The following STK32B variants were observed in gnomAD, a reference collection of about 807,000 sequenced individuals.
The protein encoded by STK32B is serine/threonine-protein kinase 32B.
A neutral mutation model predicts 52.6 loss-of-function variants in STK32B; 43 were observed. The observed-to-expected ratio is 0.82, with a 90% CI of 0.64 to 1.05. The LOEUF is 1.05. Among genes scored for constraint, STK32B ranks in the 50% least tolerant of loss-of-function variants. The pLI is 0.00. For missense variants in STK32B, 621 were observed against 534.6 expected, an observed-to-expected ratio of 1.16 and a Z score of -1.59; for synonymous variants, 238 against 204.3, an observed-to-expected ratio of 1.17 and a Z score of -1.41.
At chr4:5,390,964 C>CTTTTTTT (rs71638602) in intron 4 of STK32B, among the ~76,000 whole-genome samples, 15 of 124,020 alleles carry the variant, frequency 1.2e-4, no homozygotes, top group African/African-American at 4.2e-4. Flanking sequence ...TCTTTTCTAT[C>CTTTTTTT]TTTTTTTTTT....
chr4:5,293,164 A>G (rs10004847), intron 3 of STK32B, among the ~76,000 whole-genome samples: 11,522 of 152,058 alleles, frequency 0.076, 483 homozygotes, highest in South Asian at 0.099. Flanking sequence ...GTGTATAAGT[A>G]CCACATTTTC....
chr4:5,043,245 T>C, the STK32B span, among the ~76,000 whole-genome samples: 2 of 152,096 alleles, frequency 1.3e-5, no homozygotes, highest in African/African-American at 4.8e-5. Flanking sequence ...CGATTCCAAA[T>C]GTTCATTGAG....
At chr4:5,383,699 C>T (rs954792603) in intron 4 of STK32B, among the ~76,000 whole-genome samples, 1 of 152,180 alleles carries the variant, frequency 6.6e-6, no homozygotes, top group Non-Finnish European at 1.5e-5. Context: ...GCAGTGGACT[C>T]ACCCTGAAAA....
intron 4 of STK32B, among the ~76,000 whole-genome samples, chr4:5,382,993 G>T (rs571815787): frequency 1.1e-4 from 16 of 152,316 alleles, no homozygotes; most frequent in Non-Finnish European, 2.1e-4. Context: ...CTCACAGAGA[G>T]ATTGGGCCCT....
intron 3 of STK32B, among the ~76,000 whole-genome samples, chr4:5,216,533 AATAG>A (rs769156425): frequency 2.0e-5 from 3 of 152,188 alleles, no homozygotes; most frequent in Non-Finnish European, 2.9e-5. Context: ...AAACCTGAAA[AATAG>A]ATAGGAGGAG....
chr4:5,320,666 A>T (rs1193173591), intron 3 of STK32B, among the ~76,000 whole-genome samples: 1 of 152,180 alleles, frequency 6.6e-6, no homozygotes, highest in Non-Finnish European at 1.5e-5. Context: ...TGCGTCTTAG[A>T]CACTGCTGAG....
At chr4:5,265,056 T>G (rs1428898801) in intron 3 of STK32B, among the ~76,000 whole-genome samples, 2 of 152,222 alleles carry the variant, frequency 1.3e-5, no homozygotes, top group East Asian at 3.9e-4. Context: ...AGAAAATATA[T>G]TTAATAGATC....
In STK32B at chr4:5,386,301, G is replaced by A. The variant is rs994369362; in HGVS notation, c.435-11906G>A. 1.3e-5 allele frequency among the ~76,000 whole-genome samples: 2 copies of A among 152,106 alleles called. No homozygotes were observed. Among genetic ancestry groups the A allele is most frequent in the African/African-American group, 4.8e-5 (2 of 41,410 alleles). On this transcript the variant is annotated intron_variant, in intron 4 of 11. Transcript: ENST00000282908. The surrounding 1 kb of genome is among the most constrained non-coding windows in gnomAD (Gnocchi z 4.5). ...AGCTCCAGAAGGCAGGTCTCAGTAA[G>A]TATATGTTGAATGCTGGAAAGAGCT...
chr4:5,216,618 A>G (rs1388063385), intron 3 of STK32B, among the ~76,000 whole-genome samples: 1 of 152,164 alleles, frequency 6.6e-6, no homozygotes, highest in Non-Finnish European at 1.5e-5. Context: ...ATGGATGAGG[A>G]CACTGCAGAG....
In STK32B at chr4:5,395,448, A is replaced by T. The variant is rs75718256; in HGVS notation, c.435-2759A>T. On this transcript the variant is annotated intron_variant, in intron 4 of 11. Transcript: ENST00000282908. This position sits in a 1 kb window ranked among gnomAD's most constrained non-coding sequence, Gnocchi z 4.4. ...ATTCAGATGTCAACCCAATGTCACCACTTCTTAAAGGTCTTCCTGACCATC... is the reference window on the plus strand; with the variant it reads ...ATTCAGATGTCAACCCAATGTCACCTCTTCTTAAAGGTCTTCCTGACCATC... Among the ~76,000 whole-genome samples, 5,369 of 152,138 alleles carry T rather than the reference A, an allele frequency of 0.035. 146 individuals are homozygous for T. Among genetic ancestry groups the T allele is most frequent in the East Asian group, 0.084 (432 of 5,160 alleles).
intron 1 of STK32B, among the ~76,000 whole-genome samples, chr4:5,071,628 G>C (rs1261789098): frequency 3.9e-5 from 6 of 152,132 alleles, no homozygotes; most frequent in Admixed American, 3.9e-4. Context: ...TCTCTCCAGA[G>C]TATAATTATG....
chr4:5,444,277 A>G (rs1289656258), intron 6 of STK32B, among the ~76,000 whole-genome samples: 2 of 152,226 alleles, frequency 1.3e-5, no homozygotes, highest in Non-Finnish European at 2.9e-5. Flanking sequence ...GGACCCTCCA[A>G]GTCAGGTGCG....
At chr4:5,355,527 C>G (rs543839504) in intron 4 of STK32B, among the ~76,000 whole-genome samples, 61 of 152,256 alleles carry the variant, frequency 4.0e-4, no homozygotes, top group African/African-American at 1.4e-3. Context: ...TGATGAGATT[C>G]TGAAGGCACT....
At chr4:5,121,660 G>T (rs1271851156) in intron 1 of STK32B, among the ~76,000 whole-genome samples, 1 of 152,164 alleles carries the variant, frequency 6.6e-6, no homozygotes, top group East Asian at 1.9e-4. Flanking sequence ...GGGTGTTAAT[G>T]ACTTCTGAAG....
At chr4:5,194,167 T>C (rs1384718787) in intron 3 of STK32B, among the ~76,000 whole-genome samples, 1 of 152,198 alleles carries the variant, frequency 6.6e-6, no homozygotes, top group East Asian at 1.9e-4. Flanking sequence ...TACTTCTTTA[T>C]AGAAATTTTT....
chr4:5,039,262 G>C, the STK32B span, among the ~76,000 whole-genome samples: 1 of 152,200 alleles, frequency 6.6e-6, no homozygotes, highest in Non-Finnish European at 1.5e-5. Context: ...GCCTTCCAAA[G>C]TGTTGGGATT....
the STK32B span, among the ~76,000 whole-genome samples, chr4:5,032,788 C>A: frequency 3.9e-5 from 6 of 152,282 alleles, no homozygotes; most frequent in African/African-American, 9.6e-5. Context: ...TAACCACTAA[C>A]TCCCCACTCC....
At chr4:5,191,322 C>T (rs1207860962) in intron 3 of STK32B, among the ~76,000 whole-genome samples, 1 of 151,482 alleles carries the variant, frequency 6.6e-6, no homozygotes, top group African/African-American at 2.4e-5. Context: ...GCCATCTCGG[C>T]TCACTACAAG....
At chr4:5,390,684 C>T (rs923659979) in intron 4 of STK32B, among the ~76,000 whole-genome samples, 15 of 151,904 alleles carry the variant, frequency 9.9e-5, no homozygotes, top group African/African-American at 2.2e-4. Flanking sequence ...GGGAGGTGCA[C>T]GGGGTCAGAG....
Sources: gnomAD v4.1 joint callset for allele counts (sites outside exome capture counted in the v4.1 genomes callset) on GRCh38, gnomAD v4.1.1 for gene constraint, Gnocchi (gnomAD v3.1) non-coding constraint, MANE v1.5 for transcripts, NCBI Gene and HGNC (gene_info 2026-07-23, HGNC 2026-07-21) for gene names.